SEL1L: variants seen among roughly 807,000 people sequenced by gnomAD.
SEL1L encodes protein sel-1 homolog 1.
A neutral mutation model predicts 109.8 loss-of-function variants in SEL1L; 52 were observed. That is an observed-to-expected ratio of 0.47 (90% CI 0.38 to 0.60). SEL1L has a LOEUF of 0.60. Among genes scored for constraint, SEL1L ranks in the 20% least tolerant of loss-of-function variants. The pLI is 0.00. For synonymous variants in SEL1L, 373 were observed against 339.6 expected, an observed-to-expected ratio of 1.10 and a Z score of -1.08; for missense variants, 749 against 962.2, an observed-to-expected ratio of 0.78 and a Z score of 2.93.
chr14:81,473,849 A>C lies in SEL1L; in HGVS notation c.*3123T>G, dbSNP rs1159382980. 6.6e-6 allele frequency: 1 copy of C among 152,144 alleles called. No individual in the cohort carries two copies. Among genetic ancestry groups the C allele is most frequent in the Admixed American group, 6.5e-5 (1 of 15,276 alleles). 9.4% of individuals were successfully genotyped at this position (152,144 alleles called of 1,614,324 possible). On this transcript the variant is annotated 3_prime_UTR_variant, in exon 21 of 21. Transcript: ENST00000336735. ...TTTGAAGAATGAACATGAGGATAAA[A>C]GAAGGGAGAGAAAGACAAAGCAAAA...
chr14:81,513,627 A>G (rs1258411583), intron 3 of SEL1L, among the ~76,000 whole-genome samples: 1 of 152,122 alleles, frequency 6.6e-6, no homozygotes, highest in South Asian at 2.1e-4. Flanking sequence ...TTCGTTTGCT[A>G]TTCTGTCCTA....
intron 6 of SEL1L, among the ~76,000 whole-genome samples, chr14:81,501,168 T>C (rs1195714622): frequency 6.6e-6 from 1 of 152,192 alleles, no homozygotes; most frequent in Non-Finnish European, 1.5e-5. Flanking sequence ...AAACAGCCCA[T>C]GACCAGGAGT....
In SEL1L at chr14:81,502,623, T is replaced by C. The variant is rs563141597; in HGVS notation, c.777+98A>G. On this transcript the variant is annotated intron_variant, in intron 6 of 20. Transcript: ENST00000336735. ...CACAAAATTGGTATTTATCTTCCAG[T>C]CTGACTTTTTAAAAGAAGTCAGGAC... The C allele has an allele frequency of 1.4e-4, 173 of 1,194,722 alleles. 1 individual carries two copies. In the South Asian group the frequency reaches 2.5e-3, roughly 17 times the overall value. The allele number at this position is 1,194,722 out of a possible 1,614,324, so 74.0% of individuals were successfully genotyped here.
intron 6 of SEL1L, among the ~76,000 whole-genome samples, chr14:81,502,203 C>T (rs1208045279): frequency 6.6e-6 from 1 of 151,934 alleles, no homozygotes; most frequent in Non-Finnish European, 1.5e-5. Flanking sequence ...TGTATATATA[C>T]ACAAAGAGAA....
intron 16 of SEL1L, among the ~76,000 whole-genome samples, 167 bp from the exon 17 acceptor site, chr14:81,486,621 C>T (rs1359201639): frequency 1.3e-5 from 2 of 151,558 alleles, no homozygotes; most frequent in East Asian, 3.9e-4. Context: ...AAAGTTTTCA[C>T]TTACTCTTTA....
rs1176047748 is a variant in SEL1L at position 81,474,206 on chromosome 14, C to T, written c.*2766G>A. 3 of 150,428 alleles carry T rather than the reference C, an allele frequency of 2.0e-5. No homozygotes were observed. Among genetic ancestry groups the T allele is most frequent in the Non-Finnish European group, 4.4e-5 (3 of 67,726 alleles). 9.3% of individuals were successfully genotyped at this position (150,428 alleles called of 1,614,324 possible). ...GACTGCTAATCAAAAATAAGCCTTA[C>T]CTAGAAAACAGAAACTGAAACTTCA... On this transcript the variant is annotated 3_prime_UTR_variant, in exon 21 of 21. Coordinates refer to ENST00000336735, the MANE Select transcript of SEL1L (RefSeq NM_005065.6).
Position 81,499,527 on chromosome 14 carries a change from G to T in SEL1L, c.832-9C>A, listed in dbSNP as rs376546244. 1.7e-5 allele frequency: 28 copies of T among 1,610,064 alleles called. No individual in the cohort carries two copies. The highest frequency in any genetic ancestry group is 1.7e-6 in the Non-Finnish European group (2 of 1,178,952). On this transcript the variant is annotated splice_polypyrimidine_tract_variant and intron_variant, in intron 7 of 20. Coordinates refer to ENST00000336735, the MANE Select transcript of SEL1L (RefSeq NM_005065.6). ...GTATAATATACAAGAGCCTGTGAAA[G>T]AACAAAACATGTTTAACTGAACATA...
At chr14:81,515,527 G>GAT (rs1224865488) in intron 3 of SEL1L, among the ~76,000 whole-genome samples, 1 of 151,240 alleles carries the variant, frequency 6.6e-6, no homozygotes, top group Non-Finnish European at 1.5e-5. Flanking sequence ...GATCCCCACT[G>GAT]GGATCTAGAC....
intron 3 of SEL1L, among the ~76,000 whole-genome samples, chr14:81,507,870 A>G (rs1884305727): frequency 6.6e-6 from 1 of 152,140 alleles, no homozygotes; most frequent in Admixed American, 6.5e-5. Flanking sequence ...CATGAAGGGT[A>G]TAGATTCCGG....
rs77238602 is a variant in SEL1L, at chr14:81,523,301, T to C, written c.340+3432A>G. ...ATCAACGCGCAATGATTTAATCAATTATGCCTGCATAACAAAGCTTCCATA... is the reference window on the plus strand; with the variant it reads ...ATCAACGCGCAATGATTTAATCAATCATGCCTGCATAACAAAGCTTCCATA... On this transcript the variant is annotated intron_variant, in intron 3 of 20. Coordinates refer to ENST00000336735, the MANE Select transcript of SEL1L (RefSeq NM_005065.6). 6.8e-3 allele frequency among the ~76,000 whole-genome samples: 1,031 copies of C among 152,284 alleles called. 13 individuals are homozygous for C. Among genetic ancestry groups the C allele is most frequent in the African/African-American group, 0.022 (934 of 41,540 alleles).
intron 3 of SEL1L, among the ~76,000 whole-genome samples, chr14:81,521,958 T>G (rs1432252677): frequency 6.6e-6 from 1 of 152,130 alleles, no homozygotes; most frequent in African/African-American, 2.4e-5. Context: ...ATCCTGACCC[T>G]GTGTAGGCGT....
rs147942060 is a variant in SEL1L, at chr14:81,491,544, C to A, written c.1254+936G>T. 6.8e-3 allele frequency among the ~76,000 whole-genome samples: 1,033 copies of A among 152,244 alleles called. 13 individuals carry two copies. Among genetic ancestry groups the A allele is most frequent in the African/African-American group, 0.023 (935 of 41,528 alleles). ...GGAATATTTAAATGTAGTTACCACA[C>A]CCCAATTACTAGTATGATCATGAGG... On this transcript the variant is annotated intron_variant, in intron 12 of 20. Transcript: ENST00000336735.
chr14:81,502,018 G>C (rs1156967054), intron 6 of SEL1L, among the ~76,000 whole-genome samples: 1 of 151,388 alleles, frequency 6.6e-6, no homozygotes, highest in Non-Finnish European at 1.5e-5. Flanking sequence ...ACAACCAAAT[G>C]TAAGGTAGAG....
chr14:81,497,411 T>G (rs1883809381), intron 10 of SEL1L, among the ~76,000 whole-genome samples: 1 of 152,254 alleles, frequency 6.6e-6, no homozygotes, highest in African/African-American at 2.4e-5. Flanking sequence ...CAACTTCCAT[T>G]AAACGAGCTT....
intron 3 of SEL1L, among the ~76,000 whole-genome samples, chr14:81,510,100 C>T (rs1884400935): frequency 6.6e-6 from 1 of 152,158 alleles, no homozygotes; most frequent in African/African-American, 2.4e-5. Context: ...TTCTAAGGAA[C>T]CAGCAGCCAA....
At chr14:81,504,460 C>T (rs770738149) in intron 4 of SEL1L, among the ~76,000 whole-genome samples, 154 bp from the exon 5 acceptor site, 3 of 151,656 alleles carry the variant, frequency 2.0e-5, no homozygotes, top group African/African-American at 4.8e-5. Context: ...GTGGCCTTTA[C>T]ATGACACAAG....
At chr14:81,503,148 G>A (rs753878123) in intron 5 of SEL1L, among the ~76,000 whole-genome samples, 13 of 151,304 alleles carry the variant, frequency 8.6e-5, no homozygotes, top group South Asian at 4.2e-4. Flanking sequence ...GTGCGCCACC[G>A]TGCCTGGCTA....
intron 12 of SEL1L, among the ~76,000 whole-genome samples, chr14:81,491,898 G>A (rs1342704751): frequency 1.3e-5 from 2 of 152,094 alleles, no homozygotes; most frequent in Non-Finnish European, 1.5e-5. Flanking sequence ...ACAGACAACT[G>A]TGAGAGTCTT....
At position 81,502,824 on chromosome 14, in the gene SEL1L, A is replaced by G. The variant is rs150526325; in HGVS notation, c.674T>C (p.Val225Ala). 1,845 of 1,613,708 alleles carry G rather than the reference A, an allele frequency of 1.1e-3. 3 individuals are homozygous for G. Among genetic ancestry groups the G allele is most frequent in the Admixed American group, 1.6e-3 (95 of 59,972 alleles). ...ATCACCAAATAAAAGAGCATATGAC[A>G]CTCTCTCCAGGGCTTTGGTATGGTT... The part of the protein sequence containing the change: ...SMNHTKALER[V>A]SYALLFGDYL... Residue 225 changes from valine (V) to alanine (A), a missense_variant, in exon 6 of 21, where the codon GTG (valine) becomes GCG (alanine). Around this residue, in one of 2 missense-constraint regions of SEL1L, gnomAD observed 366 missense variants for 399.8 expected, o/e 0.92. Transcript: ENST00000336735.
Sources: gnomAD v4.1 joint callset for allele counts (sites outside exome capture counted in the v4.1 genomes callset) on GRCh38, gnomAD v4.1.1 for gene constraint, gnomAD v4.1.1 regional missense constraint, MANE v1.5 for transcripts, NCBI Gene and HGNC (gene_info 2026-07-23, HGNC 2026-07-21) for gene names.